The following DTX1 variants were observed in gnomAD, a reference collection of about 807,000 sequenced individuals.
DTX1 encodes the protein deltex E3 ubiquitin ligase 1.
DTX1 carries 26 observed loss-of-function variants against 57.8 expected under a neutral mutation model. The observed-to-expected ratio is 0.45, with a 90% CI of 0.33 to 0.62. The LOEUF is 0.62. Ranked by LOEUF, DTX1 falls within the 20% of genes least tolerant of loss-of-function variation. The pLI is 0.02. For synonymous variants in DTX1, 398 were observed against 394.1 expected (o/e 1.01, Z -0.12); for missense variants, 704 against 895.3 (o/e 0.79, Z 2.73).
chr12:113,091,919 C>G (rs1295407151), intron 3 of DTX1, among the ~76,000 whole-genome samples: 3 of 152,186 alleles, frequency 2.0e-5, no homozygotes, highest in African/African-American at 7.2e-5. Context: ...GCCTGGGTTC[C>G]ATGCCCATCA....
chr12:113,094,838 G>C lies in DTX1; in HGVS notation c.1277G>C (p.Gly426Ala). ...ERLVTASGYE[G>A]VLRHKGVRPE... is the part of the protein sequence containing the mutation. ...CTGGTCACAGCATCAGGCTACGAGG[G>C]CGTGCTTCGGCACAAGGGCGTGCGG... Residue 426 changes from glycine (G) to alanine (A), a missense_variant, in exon 7 of 10, where the codon GGC becomes GCC. Physicochemically the swap from Gly to Ala is moderately conservative, Grantham distance 60 (BLOSUM62 0). This residue lies in a region of DTX1 where 299 missense variants were observed against 311.2 expected (regional missense o/e 0.96). Transcript: ENST00000548759. The C allele has an allele frequency of 6.2e-7, 1 of 1,613,834 alleles. No homozygotes were observed. Among genetic ancestry groups the C allele is most frequent in the Non-Finnish European group, 8.5e-7 (1 of 1,179,968 alleles).
At chr12:113,070,658 C>G (rs1279715292) in intron 2 of DTX1, among the ~76,000 whole-genome samples, 1 of 152,212 alleles carries the variant, frequency 6.6e-6, no homozygotes, top group African/African-American at 2.4e-5. Flanking sequence ...GGACCATGCT[C>G]TAGGGCAGAA....
intron 3 of DTX1, among the ~76,000 whole-genome samples, chr12:113,091,344 G>C (rs1950245661): frequency 6.7e-6 from 1 of 149,680 alleles, no homozygotes; most frequent in Non-Finnish European, 1.5e-5. Context: ...GTGTGCCTGT[G>C]TGTATCCATG....
At chr12:113,062,428 G>A (rs905106721) in intron 2 of DTX1, among the ~76,000 whole-genome samples, 1 of 152,140 alleles carries the variant, frequency 6.6e-6, no homozygotes, top group African/African-American at 2.4e-5. Context: ...TTTTTCACGG[G>A]TCATGAAATA....
intron 3 of DTX1, among the ~76,000 whole-genome samples, chr12:113,084,074 G>A (rs1159485502): frequency 1.3e-5 from 2 of 152,244 alleles, no homozygotes; most frequent in African/African-American, 4.8e-5. Flanking sequence ...GGCCCAGAGA[G>A]GGGGATTGGC....
At chr12:113,066,786 T>G (rs1229882251) in intron 2 of DTX1, among the ~76,000 whole-genome samples, 1 of 152,002 alleles carries the variant, frequency 6.6e-6, no homozygotes, top group Non-Finnish European at 1.5e-5. Context: ...GTGCTTCTGT[T>G]CTGGGGGTGA....
chr12:113,087,903 G>A (rs1237277675), intron 3 of DTX1, among the ~76,000 whole-genome samples: 1 of 152,164 alleles, frequency 6.6e-6, no homozygotes, highest in Non-Finnish European at 1.5e-5. Context: ...AGTGTTTCGG[G>A]ATCCTGGACC....
chr12:113,096,439 C>CAAAAAAAAAAAAAAAAA (rs56194115), intron 9 of DTX1, among the ~76,000 whole-genome samples: 14 of 92,688 alleles, frequency 1.5e-4, no homozygotes, highest in East Asian at 6.5e-4. Context: ...GACTCTGCCT[C>CAAAAAAAAAAAAAAAAA]AAAAAAAAAA....
At chr12:113,059,334 A>T (rs535818376) in intron 2 of DTX1, among the ~76,000 whole-genome samples, 2 of 151,130 alleles carry the variant, frequency 1.3e-5, no homozygotes, top group Admixed American at 1.3e-4. Flanking sequence ...AAAATGAGAG[A>T]ATGATGTTGG....
Position 113,075,672 on chromosome 12 carries a change from C to T in DTX1, c.260-1752C>T, listed in dbSNP as rs576176488. On this transcript the variant is annotated intron_variant, in intron 2 of 9. Transcript: ENST00000548759. ...TGGTTTGGAGTAAAGCCTCAGTGCC[C>T]TCCTTTATGAAAGGGGGCCCACCTG... 7.9e-5 allele frequency among the ~76,000 whole-genome samples: 12 copies of T among 152,272 alleles called. No homozygotes were observed. In the South Asian group the frequency reaches 1.0e-3, roughly 13 times the overall value.
intron 2 of DTX1, among the ~76,000 whole-genome samples, chr12:113,058,912 C>T (rs1199363857): frequency 6.6e-6 from 1 of 152,204 alleles, no homozygotes; most frequent in Non-Finnish European, 1.5e-5. Flanking sequence ...GAAACCGAGT[C>T]TCCCAGAAGC....
Position 113,093,034 on chromosome 12 carries a change from A to T in DTX1, c.942-128A>T. 1.4e-6 allele frequency: 1 copy of T among 729,596 alleles called. No homozygotes were observed. The highest frequency in any genetic ancestry group is 2.0e-6 in the Non-Finnish European group (1 of 488,816). 45.2% of individuals were successfully genotyped at this position (729,596 alleles called of 1,614,324 possible). On this transcript the variant is annotated intron_variant, in intron 3 of 9. Transcript: ENST00000548759. This position sits in a 1 kb window ranked among gnomAD's most constrained non-coding sequence, Gnocchi z 4.2. ...AAGAGAGTTTCCTGGAGGTAACTGC[A>T]GTTGGCAGAGAGGTACAAAGAGGCC... is the stretch of plus-strand genomic sequence containing the variant.
intron 9 of DTX1, among the ~76,000 whole-genome samples, chr12:113,096,439 C>CAAAAAAAAAAAAAAAAAAAA (rs56194115): frequency 1.1e-4 from 10 of 92,776 alleles, no homozygotes; most frequent in East Asian, 6.5e-4. Flanking sequence ...GACTCTGCCT[C>CAAAAAAAAAAAAAAAAAAAA]AAAAAAAAAA....
In DTX1 at chr12:113,091,624, G is replaced by A. The variant is rs145961828; in HGVS notation, c.942-1538G>A. 4.4e-4 allele frequency among the ~76,000 whole-genome samples: 67 copies of A among 152,278 alleles called. 1 individual carries two copies. The East Asian group carries it at 0.011, about 25-fold the overall frequency. On this transcript the variant is annotated intron_variant, in intron 3 of 9. Transcript: ENST00000548759. ...GATGGTGTGTGCCCTGGGTGTGTAT[G>A]TCTGTGTGTCTGCACCCACTGCAGC...
rs139852284 is a variant in DTX1 at position 113,097,240 on chromosome 12, C to T, written c.*301C>T. ...ATGTCCTGTTGAACTCATGCACGCACACCCACGTGCCTGTACTTGCCCCCA... is the reference window on the plus strand; with the variant it reads ...ATGTCCTGTTGAACTCATGCACGCATACCCACGTGCCTGTACTTGCCCCCA... On this transcript the variant is annotated 3_prime_UTR_variant, in exon 10 of 10. Coordinates refer to ENST00000548759, the MANE Select transcript of DTX1 (RefSeq NM_004416.3). 554 of 367,722 alleles carry T rather than the reference C, an allele frequency of 1.5e-3. 4 individuals carry two copies. Among genetic ancestry groups the T allele is most frequent in the African/African-American group, 0.011 (512 of 48,584 alleles). The allele number at this position is 367,722 out of a possible 1,614,324, so 22.8% of individuals were successfully genotyped here.
intron 3 of DTX1, among the ~76,000 whole-genome samples, chr12:113,079,553 A>C (rs2044800777): frequency 4.7e-5 from 5 of 105,780 alleles, no homozygotes; most frequent in African/African-American, 4.4e-5. Context: ...TTTGAGATAC[A>C]GTTTCACTCT....
At position 113,077,655 on chromosome 12, in the gene DTX1, G is replaced by A; in HGVS notation, c.491G>A (p.Arg164His). The stretch of plus-strand genomic sequence containing the variant: ...ATGTCGCAGATGAACCGCCAGACGC[G>A]CCGGCGCCGCCGCCTGCGCCGCCGC... ...NSMSQMNRQT[R>H]RRRRLRRRLD... The change falls in exon 3 of 10, where the codon CGC (arginine) becomes CAC (histidine). Residue 164 changes from arginine (R) to histidine (H), a missense_variant. Physicochemically the swap from Arg to His is conservative, Grantham distance 29 (BLOSUM62 0). Transcript: ENST00000548759. This position sits in a 1 kb window ranked among gnomAD's most constrained non-coding sequence, Gnocchi z 7.8. 1 of 1,585,366 alleles carries A rather than the reference G, an allele frequency of 6.3e-7. No individual in the cohort carries two copies.
chr12:113,087,694 G>C (rs1319540520), intron 3 of DTX1, among the ~76,000 whole-genome samples: 6 of 152,180 alleles, frequency 3.9e-5, no homozygotes, highest in Non-Finnish European at 7.3e-5. Flanking sequence ...ACTGAGTCCT[G>C]AGGCTCCTGG....
At chr12:113,074,234 T>A (rs1347553618) in intron 2 of DTX1, among the ~76,000 whole-genome samples, 1 of 151,984 alleles carries the variant, frequency 6.6e-6, no homozygotes, top group East Asian at 1.9e-4. Flanking sequence ...CTCTCATATA[T>A]ATATATAGTC....
Sources: gnomAD v4.1 joint callset for allele counts (sites outside exome capture counted in the v4.1 genomes callset) on GRCh38, gnomAD v4.1.1 for gene constraint, gnomAD v4.1.1 regional missense constraint, Gnocchi (gnomAD v3.1) non-coding constraint, MANE v1.5 for transcripts, NCBI Gene and HGNC (gene_info 2026-07-23, HGNC 2026-07-21) for gene names.